The following L3MBTL3 variants were observed in gnomAD, a reference collection of about 807,000 sequenced individuals.
The protein encoded by L3MBTL3 is L3MBTL histone methyl-lysine binding protein 3.
In L3MBTL3, 27 loss-of-function variants were observed where a neutral mutation model predicts 102.3. The observed-to-expected ratio is 0.26, with a 90% CI of 0.19 to 0.36. The LOEUF is 0.36. Among genes scored for constraint, L3MBTL3 ranks in the 10% least tolerant of loss-of-function variants. The probability of loss-of-function intolerance (pLI) is 1.00; values close to 1 mark genes in which losing one functional copy is unlikely to be tolerated. For missense variants in L3MBTL3, 798 were observed against 955.3 expected (o/e 0.84, Z 2.17); for synonymous variants, 340 against 320.9 (o/e 1.06, Z -0.64).
At chr6:130,037,824 A>C (rs1331004669) in intron 2 of L3MBTL3, among the ~76,000 whole-genome samples, 1 of 152,136 alleles carries the variant, frequency 6.6e-6, no homozygotes, top group Non-Finnish European at 1.5e-5. Flanking sequence ...AATATACAGT[A>C]AATTATTTTT....
chr6:130,052,852 A>G lies in L3MBTL3; in HGVS notation c.450-7A>G. The G allele has an allele frequency of 1.2e-6, 2 of 1,612,240 alleles. No individual in the cohort carries two copies. On this transcript the variant is annotated splice_polypyrimidine_tract_variant and splice_region_variant and intron_variant, in intron 6 of 22. Coordinates refer to ENST00000361794, the MANE Select transcript of L3MBTL3 (RefSeq NM_032438.4). ...TTGTCACTATTTTGGGTTTATAAAC[A>G]CAACAGAGATCAGAAGGAAGAAAGG...
At chr6:130,117,532 A>G (rs1031193635) in intron 19 of L3MBTL3, among the ~76,000 whole-genome samples, 19 of 152,186 alleles carry the variant, frequency 1.2e-4, no homozygotes, top group Non-Finnish European at 1.0e-4. Context: ...TTGGAAGACT[A>G]TGTAGCTAAA....
At chr6:130,045,089 C>T (rs1269899012) in intron 3 of L3MBTL3, among the ~76,000 whole-genome samples, 1 of 152,094 alleles carries the variant, frequency 6.6e-6, no homozygotes, top group African/African-American at 2.4e-5. Flanking sequence ...CTGTAAAATC[C>T]CCATGATTGC....
chr6:130,139,110 C>G (rs1303182636), intron 22 of L3MBTL3, among the ~76,000 whole-genome samples: 1 of 151,932 alleles, frequency 6.6e-6, no homozygotes, highest in Non-Finnish European at 1.5e-5. Context: ...TTAACTGTGG[C>G]CACACTAGAG....
chr6:130,025,128 A>G (rs547935902), intron 2 of L3MBTL3, among the ~76,000 whole-genome samples: 3 of 152,314 alleles, frequency 2.0e-5, no homozygotes, highest in Middle Eastern at 3.4e-3. Context: ...GATCTACACT[A>G]TCTTCCACTG....
chr6:130,121,696 G>A (rs1345480698), intron 20 of L3MBTL3, among the ~76,000 whole-genome samples: 2 of 151,862 alleles, frequency 1.3e-5, no homozygotes, highest in Admixed American at 6.6e-5. Context: ...ATAGAATATT[G>A]TCTTAATCTA....
At chr6:130,135,266 GTT>G (rs1787520888) in intron 22 of L3MBTL3, among the ~76,000 whole-genome samples, 1 of 151,800 alleles carries the variant, frequency 6.6e-6, no homozygotes, top group Non-Finnish European at 1.5e-5. Flanking sequence ...GTTTCACCGT[GTT>G]GGCCAGGCTG....
chr6:130,050,859 C>A (rs757154297), intron 5 of L3MBTL3, among the ~76,000 whole-genome samples: 8 of 152,156 alleles, frequency 5.3e-5, no homozygotes, highest in Non-Finnish European at 1.0e-4. Flanking sequence ...CAAAATCATT[C>A]ATCAAAAGAT....
intron 2 of L3MBTL3, among the ~76,000 whole-genome samples, chr6:130,037,118 A>T (rs1320498858): frequency 6.6e-6 from 1 of 152,252 alleles, no homozygotes; most frequent in Non-Finnish European, 1.5e-5. Context: ...AAAGAAAGAA[A>T]GATTGAATCA....
chr6:130,118,664 A>T (rs1300396086), intron 19 of L3MBTL3, among the ~76,000 whole-genome samples: 1 of 152,114 alleles, frequency 6.6e-6, no homozygotes, highest in Non-Finnish European at 1.5e-5. Context: ...GTTTGGTAAA[A>T]ATACATATCT....
At chr6:130,063,565 T>A (rs72989401) in intron 10 of L3MBTL3, among the ~76,000 whole-genome samples, 72,104 of 151,996 alleles carry the variant, frequency 0.47, 19,795 homozygotes, top group East Asian at 0.76. Context: ...CACATTTTTG[T>A]CTACTGATCA....
intron 2 of L3MBTL3, among the ~76,000 whole-genome samples, chr6:130,038,496 A>G (rs1363368921): frequency 6.6e-6 from 1 of 151,598 alleles, no homozygotes. Flanking sequence ...TGTGGTTTTA[A>G]TTTGTATTTG....
At chr6:130,108,343 G>T (rs569906974) in intron 19 of L3MBTL3, among the ~76,000 whole-genome samples, 1 of 144,648 alleles carries the variant, frequency 6.9e-6, no homozygotes, top group African/African-American at 2.5e-5. Context: ...CAAGGGATTC[G>T]CCTGCCTCAG....
At chr6:130,041,190 A>AT (rs1303420366) in intron 2 of L3MBTL3, among the ~76,000 whole-genome samples, 1 of 152,210 alleles carries the variant, frequency 6.6e-6, no homozygotes, top group African/African-American at 2.4e-5. Flanking sequence ...TTGTGGTATG[A>AT]TTTAACAACA....
intron 15 of L3MBTL3, among the ~76,000 whole-genome samples, chr6:130,084,660 C>T (rs143551976): frequency 7.8e-4 from 118 of 152,226 alleles, no homozygotes; most frequent in African/African-American, 2.7e-3. Flanking sequence ...TTGTCTGATG[C>T]GAAGCAGAGC....
intron 10 of L3MBTL3, 125 bp downstream of exon 10, chr6:130,060,265 T>A (rs1329391765): frequency 1.7e-6 from 1 of 595,346 alleles, no homozygotes; most frequent in East Asian, 3.0e-5. Context: ...TGTGCATTAT[T>A]TCATTTAATC....
intron 2 of L3MBTL3, among the ~76,000 whole-genome samples, chr6:130,024,743 T>A (rs1265102767): frequency 6.6e-6 from 1 of 152,164 alleles, no homozygotes; most frequent in Admixed American, 6.5e-5. Flanking sequence ...CTTATGGTGT[T>A]GAACACTTAA....
chr6:130,078,418 G>A (rs943401279), intron 13 of L3MBTL3, 140 bp from the exon 14 acceptor site: 11 of 546,786 alleles, frequency 2.0e-5, no homozygotes, highest in African/African-American at 1.9e-4. Flanking sequence ...CTTTGGTTTA[G>A]CATTTTTTTC....
rs532803178 is a variant in L3MBTL3, at chr6:130,068,099, T to C, written c.1001-231T>C. On this transcript the variant is annotated intron_variant, in intron 11 of 22. Transcript: ENST00000361794. ...GGTATAATACATATTTGTTTCCTTA[T>C]TCCTTTTCTTTATATCCATTACCAT... 1.9e-3 allele frequency among the ~76,000 whole-genome samples: 295 copies of C among 152,344 alleles called. 4 individuals carry two copies. Among genetic ancestry groups the C allele is most frequent in the South Asian group, 3.3e-3 (16 of 4,828 alleles).
Sources: gnomAD v4.1 joint callset for allele counts (sites outside exome capture counted in the v4.1 genomes callset) on GRCh38, gnomAD v4.1.1 for gene constraint, MANE v1.5 for transcripts, NCBI Gene and HGNC (gene_info 2026-07-23, HGNC 2026-07-21) for gene names.